Variants in NSUN3 observed in about 807,000 individuals in gnomAD.
NSUN3 encodes tRNA (cytosine(34)-C(5))-methyltransferase, mitochondrial.
Under a neutral mutation model 36.8 loss-of-function variants are expected in NSUN3, and 24 were observed. The observed-to-expected ratio is 0.65, with a 90% CI of 0.47 to 0.92. NSUN3 has a LOEUF of 0.92. Among genes scored for constraint, NSUN3 ranks in the 40% least tolerant of loss-of-function variants. The pLI is 0.00. For missense variants in NSUN3, 381 were observed against 392.8 expected (o/e 0.97, Z 0.25); for synonymous variants, 146 against 145.2 (o/e 1.01, Z -0.04).
chr3:94,087,983 A>G (rs939492143), intron 3 of NSUN3, among the ~76,000 whole-genome samples: 4 of 152,124 alleles, frequency 2.6e-5, no homozygotes, highest in African/African-American at 7.2e-5. Flanking sequence ...TAACTTTTTG[A>G]TATCTGGTTA....
intron 5 of NSUN3, among the ~76,000 whole-genome samples, chr3:94,112,979 C>T (rs1247657065): frequency 6.6e-6 from 1 of 152,170 alleles, no homozygotes; most frequent in Admixed American, 6.5e-5. Context: ...ATTCTCCTGC[C>T]TCAGCCTCCC....
intron 3 of NSUN3, among the ~76,000 whole-genome samples, chr3:94,092,919 C>CAAAAAAAAAAA (rs1161530879): frequency 2.8e-4 from 7 of 24,634 alleles, no homozygotes; most frequent in Admixed American, 7.7e-4. Context: ...GACTGCATCT[C>CAAAAAAAAAAA]AAAAAAAAAA....
At chr3:94,105,228 T>C (rs962507444) in intron 5 of NSUN3, among the ~76,000 whole-genome samples, 4 of 152,178 alleles carry the variant, frequency 2.6e-5, no homozygotes, top group African/African-American at 9.7e-5. Flanking sequence ...CTCCCCCGAA[T>C]CTTCTTTCTG....
chr3:94,117,094 G>A (rs2077443398), intron 5 of NSUN3, among the ~76,000 whole-genome samples: 1 of 146,268 alleles, frequency 6.8e-6, no homozygotes, highest in East Asian at 2.1e-4. Context: ...CACCTCCTGG[G>A]TTCAAGTGAT....
intron 2 of NSUN3, among the ~76,000 whole-genome samples, chr3:94,081,281 G>T (rs34703980): frequency 0.081 from 12,344 of 152,196 alleles, 616 homozygotes; most frequent in Middle Eastern, 0.19. Flanking sequence ...GGGTCCCTCA[G>T]TTGGAAATGC....
chr3:94,130,001 GC>G lies in NSUN3; in HGVS notation c.*3513del, dbSNP rs2077503557. Among the ~76,000 whole-genome samples the G allele has an allele frequency of 6.6e-6, 1 of 151,958 alleles. No homozygotes were observed. The highest frequency in any genetic ancestry group is 1.5e-5 in the Non-Finnish European group (1 of 67,994). ...GAACTCCTGACCTTGTCATCCACCT[GC>G]CTCAGCCTCCCAAAGTGCTGGGATT... On this transcript the variant is annotated 3_prime_UTR_variant, in exon 6 of 6. Transcript: ENST00000314622.
At position 94,130,953 on chromosome 3, in the gene NSUN3, A is replaced by C. The variant is rs2077506754; in HGVS notation, c.*4463A>C. 1.3e-5 allele frequency among the ~76,000 whole-genome samples: 2 copies of C among 151,732 alleles called. 1 individual carries two copies. The highest frequency in any genetic ancestry group is 4.2e-4 in the South Asian group (2 of 4,788). ...AATTTAGTTCCTCCCACTGTCCCCA[A>C]CCCAGCTAGAGTGCAGTGGTGTCAT... On this transcript the variant is annotated 3_prime_UTR_variant, in exon 6 of 6. Coordinates refer to ENST00000314622, the MANE Select transcript of NSUN3 (RefSeq NM_022072.5).
intron 5 of NSUN3, among the ~76,000 whole-genome samples, chr3:94,111,037 T>C (rs1223996209): frequency 6.6e-6 from 1 of 152,138 alleles, no homozygotes; most frequent in East Asian, 1.9e-4. Context: ...TAAACCTAGA[T>C]GATACAGCCT....
At chr3:94,068,497 G>T (rs2077213659) in intron 2 of NSUN3, among the ~76,000 whole-genome samples, 1 of 152,166 alleles carries the variant, frequency 6.6e-6, no homozygotes, top group South Asian at 2.1e-4. Flanking sequence ...AGTTTTGTCA[G>T]TGTTTGTGTA....
intron 2 of NSUN3, among the ~76,000 whole-genome samples, chr3:94,079,818 G>A (rs1460323044): frequency 6.6e-6 from 1 of 151,982 alleles, no homozygotes; most frequent in Non-Finnish European, 1.5e-5. Context: ...ATTCTAGTTA[G>A]CAATTTGTCT....
intron 2 of NSUN3, among the ~76,000 whole-genome samples, chr3:94,074,481 G>A (rs1378275397): frequency 6.6e-6 from 1 of 151,996 alleles, no homozygotes; most frequent in Non-Finnish European, 1.5e-5. Context: ...TTATTTCCTC[G>A]AGCAGTGGTT....
intron 5 of NSUN3, among the ~76,000 whole-genome samples, chr3:94,095,579 T>C (rs1439072536): frequency 1.3e-5 from 2 of 152,182 alleles, no homozygotes; most frequent in Non-Finnish European, 2.9e-5. Flanking sequence ...TGTTAGCGCT[T>C]ATCTCCCCTC....
intron 2 of NSUN3, among the ~76,000 whole-genome samples, chr3:94,083,563 T>C (rs2077279889): frequency 6.6e-6 from 1 of 152,176 alleles, no homozygotes; most frequent in African/African-American, 2.4e-5. Context: ...TGATTGGTTA[T>C]GGACAGCAAC....
At chr3:94,087,516 T>A (rs1234037475) in intron 3 of NSUN3, among the ~76,000 whole-genome samples, 2 of 152,218 alleles carry the variant, frequency 1.3e-5, no homozygotes, top group Non-Finnish European at 2.9e-5. Context: ...TTTAATGTCC[T>A]GGTCTTGGCA....
rs757503445 is a variant in NSUN3 at position 94,095,049 on chromosome 3, C to T, written c.638C>T (p.Pro213Leu). 6 of 1,613,752 alleles carry T rather than the reference C, an allele frequency of 3.7e-6. No homozygotes were observed. The highest frequency in any genetic ancestry group is 2.2e-5 in the East Asian group (1 of 44,858). Residue 213 changes from proline to leucine, a missense_variant, in exon 5 of 6, where the codon CCG becomes CTG. Transcript: ENST00000314622. ...EMFDKVLVDAPCSNDRSWLFS... is the reference protein window; with the variant it reads ...EMFDKVLVDALCSNDRSWLFS... ...TTTCTCTAGGTGTTAGTGGATGCTCCGTGTTCAAATGATCGAAGCTGGTTG... is the reference window on the plus strand; with the variant it reads ...TTTCTCTAGGTGTTAGTGGATGCTCTGTGTTCAAATGATCGAAGCTGGTTG...
Position 94,131,106 on chromosome 3 carries a change from T to G in NSUN3, c.*4616T>G, listed in dbSNP as rs918899797. Among the ~76,000 whole-genome samples the G allele has an allele frequency of 6.6e-6, 1 of 151,868 alleles. No individual in the cohort carries two copies. Among genetic ancestry groups the G allele is most frequent in the Non-Finnish European group, 1.5e-5 (1 of 67,982 alleles). On this transcript the variant is annotated 3_prime_UTR_variant, in exon 6 of 6. Coordinates refer to ENST00000314622, the MANE Select transcript of NSUN3 (RefSeq NM_022072.5). ...TTTTAAATTATTATTATTATTATTA[T>G]TGTAGAGATGTGACCTCACCAGGCT...
At chr3:94,076,546 T>C (rs1252768398) in intron 2 of NSUN3, 4 of 807,456 alleles carry the variant, frequency 5.0e-6, no homozygotes, top group Non-Finnish European at 9.0e-6. Context: ...TTCCCTCCTT[T>C]GGAACAGCAC....
Position 94,076,498 on chromosome 3 carries a change from T to G in NSUN3, c.123-7609T>G, listed in dbSNP as rs929793910. 38 of 786,254 alleles carry G rather than the reference T, an allele frequency of 4.8e-5. No homozygotes were observed. In the African/African-American group the frequency reaches 5.6e-4, roughly 12 times the overall value. 48.7% of individuals were successfully genotyped at this position (786,254 alleles called of 1,614,324 possible). A position where few individuals can be genotyped will look rare whatever the true frequency, so the allele number is the denominator to read the frequency against. On this transcript the variant is annotated intron_variant, in intron 2 of 5. Transcript: ENST00000314622. ...GCCAGGAAACATCTTCTACTACTAC[T>G]GTATGCCCTGTAAAGATGGTCTTTG...
Position 94,131,632 on chromosome 3 carries a change from G to A in NSUN3, c.*5142G>A, listed in dbSNP as rs1457589267. On this transcript the variant is annotated 3_prime_UTR_variant, in exon 6 of 6. Coordinates refer to ENST00000314622, the MANE Select transcript of NSUN3 (RefSeq NM_022072.5). ...TTTTCTTTGCAGATGCTGAGCTGAA[G>A]AATGGAAATTTGGAGCAGACTTGCA... 6.6e-6 allele frequency among the ~76,000 whole-genome samples: 1 copy of A among 152,196 alleles called. No homozygotes were observed. Among genetic ancestry groups the A allele is most frequent in the Non-Finnish European group, 1.5e-5 (1 of 68,034 alleles).
Sources: allele counts gnomAD v4.1 joint callset (sites outside exome capture counted in the v4.1 genomes callset), GRCh38; gene constraint gnomAD v4.1.1; transcripts MANE v1.5; gene names NCBI Gene and HGNC (gene_info 2026-07-23, HGNC 2026-07-21).